The following RANBP17 variants were observed in gnomAD, a reference collection of about 807,000 sequenced individuals.
The protein encoded by RANBP17 is ran-binding protein 17.
Under a neutral mutation model 141.2 loss-of-function variants are expected in RANBP17, and 158 were observed. The observed-to-expected ratio is 1.12, with a 90% CI of 0.98 to 1.28. RANBP17 has a LOEUF of 1.28. RANBP17 is among the 50% of genes most tolerant of loss of function. The probability of loss-of-function intolerance (pLI) is 0.00; values close to 1 mark genes in which losing one functional copy is unlikely to be tolerated. For missense variants in RANBP17, 1,438 were observed against 1,290.7 expected (o/e 1.11, Z -1.75); for synonymous variants, 430 against 450.0 (o/e 0.96, Z 0.56).
chr5:171,042,778 AG>A (rs530901268), intron 14 of RANBP17, among the ~76,000 whole-genome samples: 1 of 152,032 alleles, frequency 6.6e-6, no homozygotes, highest in African/African-American at 2.4e-5. Context: ...AACCCACTCT[AG>A]GGGGGGTCAT....
intron 14 of RANBP17, among the ~76,000 whole-genome samples, chr5:171,027,911 GTTTTA>G (rs1781320964): frequency 6.6e-6 from 1 of 151,918 alleles, no homozygotes; most frequent in Non-Finnish European, 1.5e-5. Flanking sequence ...TTTGCAACCA[GTTTTA>G]TTTTGAGTAC....
chr5:170,890,095 G>C (rs1258915093), intron 3 of RANBP17, among the ~76,000 whole-genome samples: 2 of 152,020 alleles, frequency 1.3e-5, no homozygotes, highest in African/African-American at 4.8e-5. Flanking sequence ...TGTGAAACTT[G>C]GGTTGTCTCC....
At chr5:171,052,779 G>A (rs1783039807) in intron 14 of RANBP17, among the ~76,000 whole-genome samples, 1 of 152,172 alleles carries the variant, frequency 6.6e-6, no homozygotes, top group Non-Finnish European at 1.5e-5. Context: ...GATAGGTATT[G>A]TGTTTAATCT....
chr5:171,272,288 T>A (rs1467632619), intron 25 of RANBP17, among the ~76,000 whole-genome samples: 1 of 152,188 alleles, frequency 6.6e-6, no homozygotes, highest in Non-Finnish European at 1.5e-5. Flanking sequence ...ACCAGACCCC[T>A]GTGACATGTG....
intron 1 of RANBP17, among the ~76,000 whole-genome samples, chr5:170,877,190 A>T (rs1413040765): frequency 6.6e-6 from 1 of 152,154 alleles, no homozygotes; most frequent in Admixed American, 6.5e-5. Flanking sequence ...ATACCATGGG[A>T]TCAAGTCAAA....
chr5:171,030,769 A>C (rs1285059962), intron 14 of RANBP17, among the ~76,000 whole-genome samples: 1 of 152,078 alleles, frequency 6.6e-6, no homozygotes, highest in South Asian at 2.1e-4. Context: ...AAGACTTAGG[A>C]AGTAGCACAG....
At chr5:170,872,330 A>G (rs1399097566) in intron 1 of RANBP17, among the ~76,000 whole-genome samples, 3 of 152,088 alleles carry the variant, frequency 2.0e-5, no homozygotes, top group Middle Eastern at 3.2e-3. Flanking sequence ...TTGTTGGTGT[A>G]TAGGAATGCT....
At chr5:171,258,124 C>T (rs1233386482) in intron 24 of RANBP17, among the ~76,000 whole-genome samples, 14 of 96,058 alleles carry the variant, frequency 1.5e-4, no homozygotes, top group African/African-American at 3.1e-4. Context: ...AAAATACACA[C>T]ACACACACAC....
intron 20 of RANBP17, among the ~76,000 whole-genome samples, chr5:171,209,742 A>G (rs529865360): frequency 6.6e-5 from 10 of 152,328 alleles, no homozygotes; most frequent in African/African-American, 2.2e-4. Context: ...ATGGATAGGC[A>G]TTTGCCAGAC....
intron 14 of RANBP17, among the ~76,000 whole-genome samples, chr5:171,011,647 C>T: frequency 6.6e-6 from 1 of 151,570 alleles, no homozygotes; most frequent in African/African-American, 2.4e-5. Flanking sequence ...TTTGGTAAAC[C>T]ATTTGAAAAT....
At chr5:171,053,114 C>T (rs901544844) in intron 14 of RANBP17, among the ~76,000 whole-genome samples, 1 of 152,180 alleles carries the variant, frequency 6.6e-6, no homozygotes, top group African/African-American at 2.4e-5. Context: ...GCCACCGTGC[C>T]CGGCCATGTC....
intron 14 of RANBP17, among the ~76,000 whole-genome samples, chr5:171,038,872 T>G (rs568854591): frequency 6.6e-6 from 1 of 152,280 alleles, no homozygotes; most frequent in African/African-American, 2.4e-5. Context: ...TTGTATATTG[T>G]CGAGGATTTT....
chr5:171,170,197 CAAA>C lies in RANBP17; in HGVS notation c.1781_1783del (p.Lys594del). 1 of 1,552,722 alleles carries C rather than the reference CAAA, an allele frequency of 6.4e-7. No homozygotes were observed. The highest frequency in any genetic ancestry group is 8.7e-7 in the Non-Finnish European group (1 of 1,144,058). On this transcript the variant is annotated inframe_deletion, in exon 15 of 28. Coordinates refer to ENST00000523189, the MANE Select transcript of RANBP17 (RefSeq NM_022897.5). Reference sequence around the variant, plus strand: ...AACCACGTTCTAGAGACGTTCATGACAAAAATGTGAGTTCTTGTTTTGGTCTTT... The same window carrying C: ...AACCACGTTCTAGAGACGTTCATGACAATGTGAGTTCTTGTTTTGGTCTTT...
intron 25 of RANBP17, among the ~76,000 whole-genome samples, chr5:171,292,473 C>T (rs1768548377): frequency 6.6e-6 from 1 of 152,154 alleles, no homozygotes; most frequent in African/African-American, 2.4e-5. Context: ...GAGAGAAGTT[C>T]AGTAACTTGC....
At chr5:170,883,231 A>T (rs1768863324) in intron 3 of RANBP17, among the ~76,000 whole-genome samples, 1 of 152,196 alleles carries the variant, frequency 6.6e-6, no homozygotes, top group South Asian at 2.1e-4. Context: ...AAGTCATAAA[A>T]CTTGTGATTT....
chr5:170,953,448 C>T (rs941795619), intron 12 of RANBP17, 149 bp from the exon 13 acceptor site: 8 of 555,788 alleles, frequency 1.4e-5, no homozygotes, highest in South Asian at 5.0e-5. Flanking sequence ...AACTTAAAAC[C>T]GATCTGCTTT....
chr5:171,034,223 A>G (rs1781729326), intron 14 of RANBP17, among the ~76,000 whole-genome samples: 1 of 152,230 alleles, frequency 6.6e-6, no homozygotes, highest in South Asian at 2.1e-4. Flanking sequence ...TGCCAAAGCA[A>G]TAGTAACCTC....
chr5:171,097,405 AGCTTTGGGTC>A lies in RANBP17; in HGVS notation c.1711-72724_1711-72715del, dbSNP rs140322045. Among the ~76,000 whole-genome samples the A allele has an allele frequency of 1.7e-3, 264 of 152,196 alleles. 2 individuals carry two copies. Among genetic ancestry groups the A allele is most frequent in the African/African-American group, 6.2e-3 (258 of 41,572 alleles). ...TTAGACCATAAGCTCCTTGGAGCAC[AGCTTTGGGTC>A]TTCATCTATGTAATCTCTCTAATTA... On this transcript the variant is annotated intron_variant, in intron 14 of 27. Transcript: ENST00000523189.
intron 22 of RANBP17, among the ~76,000 whole-genome samples, chr5:171,230,900 T>G (rs528695371): frequency 5.7e-4 from 87 of 152,138 alleles, no homozygotes; most frequent in Non-Finnish European, 8.2e-4. Context: ...GGTGTAAAGC[T>G]AGAAGAGAGA....
Sources: gnomAD v4.1 joint callset for allele counts (sites outside exome capture counted in the v4.1 genomes callset) on GRCh38, gnomAD v4.1.1 for gene constraint, MANE v1.5 for transcripts, NCBI Gene and HGNC (gene_info 2026-07-23, HGNC 2026-07-21) for gene names.